Variants in PLEKHO1 observed in about 807,000 individuals in gnomAD.
The protein encoded by PLEKHO1 is pleckstrin homology domain-containing family O member 1.
Under a neutral mutation model 41.4 loss-of-function variants are expected in PLEKHO1, and 22 were observed. The observed-to-expected ratio is 0.53, with a 90% confidence interval of 0.38 to 0.76. The LOEUF (loss-of-function observed/expected upper bound fraction) is 0.76. PLEKHO1 is among the 30% of genes least tolerant of loss of function. The probability of loss-of-function intolerance (pLI) is 0.00; values close to 1 mark genes in which losing one functional copy is unlikely to be tolerated. For synonymous variants in PLEKHO1, 225 were observed against 210.8 expected (o/e 1.07, Z -0.58); for missense variants, 488 against 518.3 (o/e 0.94, Z 0.57).
In PLEKHO1 at chr1:150,158,842, G is replaced by A; in HGVS notation, c.549G>A (p.Gly183=). Residue 183 remains glycine (G), a synonymous_variant, in exon 6 of 6, where the codon GGG becomes GGA. Transcript: ENST00000369124. ...AGGCTTCCACCTCTACCTCGGATGG[G>A]ATGCTGACCTTGGACTTGATCCAAG... The part of the protein sequence containing the change: ...MAVASTSTSD[G]MLTLDLIQEE... 6.2e-7 allele frequency: 1 copy of A among 1,609,054 alleles called. No homozygotes were observed. Among genetic ancestry groups the A allele is most frequent in the South Asian group, 1.1e-5 (1 of 90,970 alleles).
At chr1:150,158,388 C>T (rs868917580) in intron 5 of PLEKHO1, among the ~76,000 whole-genome samples, 1 of 152,238 alleles carries the variant, frequency 6.6e-6, no homozygotes, top group Middle Eastern at 3.4e-3. Flanking sequence ...AGGGTTCAGT[C>T]AAGAGCAGAG....
At chr1:150,158,761 C>CGGAATGACT in intron 5 of PLEKHO1, 58 bp from the exon 6 acceptor site, 1 of 1,202,670 alleles carries the variant, frequency 8.3e-7, no homozygotes, top group Non-Finnish European at 1.2e-6. Flanking sequence ...TTTAGGCAGT[C>CGGAATGACT]ATTCCGAAAA....
Position 150,150,213 on chromosome 1 carries a change from G to A in PLEKHO1, c.-45G>A. On this transcript the variant is annotated 5_prime_UTR_variant, in exon 1 of 6. Transcript: ENST00000369124. Reference sequence around the variant, plus strand: ...CGCGGTGCCGCCGAGGCCCCGACGCGGGGCCGCCCCTCGGCTCGCCGCCCC... The same window carrying A: ...CGCGGTGCCGCCGAGGCCCCGACGCAGGGCCGCCCCTCGGCTCGCCGCCCC... 2.0e-6 allele frequency: 2 copies of A among 1,007,922 alleles called. No homozygotes were observed. Among genetic ancestry groups the A allele is most frequent in the African/African-American group, 1.7e-5 (1 of 57,326 alleles). The allele number at this position is 1,007,922 out of a possible 1,614,324, so 62.4% of individuals were successfully genotyped here. A position where few individuals can be genotyped will look rare whatever the true frequency, so the allele number is the denominator to read the frequency against.
In PLEKHO1 at chr1:150,150,272, C is replaced by G. The variant is rs1413764885; in HGVS notation, c.15C>G (p.Asn5Lys). Residue 5 changes from asparagine (N) to lysine (K), a missense_variant, in exon 1 of 6, where the codon AAC becomes AAG. Coordinates refer to ENST00000369124, the MANE Select transcript of PLEKHO1 (RefSeq NM_016274.6). MMKK[N>K]NSAKRGPQDG... is the part of the protein sequence containing the mutation. Reference sequence around the variant, plus strand: ...GCCCGCTGGGAATGATGAAGAAGAACAATTCCGCCAAGCGGGTGAGTGCGC... The same window carrying G: ...GCCCGCTGGGAATGATGAAGAAGAAGAATTCCGCCAAGCGGGTGAGTGCGC... 9 of 1,122,998 alleles carry G rather than the reference C, an allele frequency of 8.0e-6. No homozygotes were observed. The highest frequency in any genetic ancestry group is 3.3e-5 in the African/African-American group (2 of 60,460). The allele number at this position is 1,122,998 out of a possible 1,614,324, so 69.6% of individuals were successfully genotyped here. A position where few individuals can be genotyped will look rare whatever the true frequency, so the allele number is the denominator to read the frequency against.
At chr1:150,157,606 G>A (rs149152545) in intron 5 of PLEKHO1, 120 bp downstream of exon 5, 438 of 660,588 alleles carry the variant, frequency 6.6e-4, no homozygotes, top group African/African-American at 5.8e-3. Context: ...GATCAAAGGC[G>A]AGGGAAGTCC....
At chr1:150,154,604 A>G (rs1270638941) in intron 2 of PLEKHO1, 1 of 152,256 alleles carries the variant, frequency 6.6e-6, no homozygotes, top group Non-Finnish European at 1.5e-5. Context: ...TCCAGGAACC[A>G]GGAGGATAGA....
intron 2 of PLEKHO1, 28 bp from the exon 3 acceptor site, chr1:150,156,038 T>TCCTCA: frequency 5.6e-6 from 9 of 1,603,982 alleles, no homozygotes; most frequent in Non-Finnish European, 7.7e-6. Flanking sequence ...AATTTTATCC[T>TCCTCA]CCTCACCTCA....
In PLEKHO1 at chr1:150,159,299, G is replaced by A; in HGVS notation, c.1006G>A (p.Ala336Thr). ...VQGLGDGKRK[A>T]KDPPRSPPDS... ...GGGACTGGGAGATGGGAAGCGAAAG[G>A]CCAAGGACCCCCCTCGGTCTCCGCC... The change falls in exon 6 of 6, where the codon GCC becomes ACC. Residue 336 changes from alanine to threonine, a missense_variant. Ala to Thr is a moderately conservative substitution (Grantham distance 58, BLOSUM62 0). Transcript: ENST00000369124. 3.1e-6 allele frequency: 5 copies of A among 1,614,178 alleles called. No homozygotes were observed. The highest frequency in any genetic ancestry group is 4.2e-6 in the Non-Finnish European group (5 of 1,180,030).
At chr1:150,150,844 AGACG>A in intron 1 of PLEKHO1, 64 bp from the exon 2 acceptor site, 1 of 1,467,656 alleles carries the variant, frequency 6.8e-7, no homozygotes, top group Non-Finnish European at 9.5e-7. Flanking sequence ...CGGTCGTGAG[AGACG>A]GACGGAGAGG....
chr1:150,159,335 T>G lies in PLEKHO1; in HGVS notation c.1042T>G (p.Ser348Ala). The G allele has an allele frequency of 6.2e-7, 1 of 1,614,056 alleles. No homozygotes were observed. The highest frequency in any genetic ancestry group is 8.5e-7 in the Non-Finnish European group (1 of 1,179,996). The change falls in exon 6 of 6, where the codon TCA becomes GCA. Residue 348 changes from serine (S) to alanine (A), a missense_variant. Coordinates refer to ENST00000369124, the MANE Select transcript of PLEKHO1 (RefSeq NM_016274.6). ...DPPRSPPDSE[S>A]EQLLLETERL... ...CCCTCGGTCTCCGCCGGATTCTGAG[T>G]CAGAGCAGCTGCTGCTGGAGACGGA...
At chr1:150,152,843 A>G (rs1660008576) in intron 2 of PLEKHO1, 1 of 152,222 alleles carries the variant, frequency 6.6e-6, no homozygotes, top group Non-Finnish European at 1.5e-5. Context: ...GGAATAAGAC[A>G]TCCATTGCTT....
intron 1 of PLEKHO1, chr1:150,150,672 G>C (rs1553818600): frequency 6.1e-6 from 3 of 489,030 alleles, no homozygotes; most frequent in Non-Finnish European, 1.1e-5. Context: ...CTCCGCGCCC[G>C]GCCGGCGCCC....
At position 150,158,788 on chromosome 1, in the gene PLEKHO1, G is replaced by C. The variant is rs34773647; in HGVS notation, c.526-31G>C. On this transcript the variant is annotated intron_variant, in intron 5 of 5. Coordinates refer to ENST00000369124, the MANE Select transcript of PLEKHO1 (RefSeq NM_016274.6). Reference sequence around the variant, plus strand: ...TTCCGAAAATCCCTCCTGATGACAGGTTCCCCACTCATTCCCCCCTTCCTC... The same window carrying C: ...TTCCGAAAATCCCTCCTGATGACAGCTTCCCCACTCATTCCCCCCTTCCTC... 4 of 1,474,406 alleles carry C rather than the reference G, an allele frequency of 2.7e-6. 1 individual carries two copies. Among genetic ancestry groups the C allele is most frequent in the Non-Finnish European group, 3.7e-6 (4 of 1,068,594 alleles). 91.3% of individuals were successfully genotyped at this position (1,474,406 alleles called of 1,614,324 possible).
chr1:150,157,002 G>A lies in PLEKHO1; in HGVS notation c.410G>A (p.Arg137His), dbSNP rs146414526. Reference sequence around the variant, plus strand: ...TCTGCCATCACCCGAGCCAAGAACCGTATCTTGGATGAGGTCAGGGGGCTC... The same window carrying A: ...TCTGCCATCACCCGAGCCAAGAACCATATCTTGGATGAGGTCAGGGGGCTC... ...LNSAITRAKN[R>H]ILDEVTVEED... The change falls in exon 4 of 6, where the codon CGT becomes CAT. Residue 137 changes from arginine to histidine, a missense_variant. Arg to His is a conservative substitution (Grantham distance 29). Around this residue, in one of 3 missense-constraint regions of PLEKHO1, gnomAD observed 59 missense variants for 111.5 expected, o/e 0.53. Transcript: ENST00000369124. 3.3e-5 allele frequency: 53 copies of A among 1,607,662 alleles called. No individual in the cohort carries two copies. Among genetic ancestry groups the A allele is most frequent in the African/African-American group, 6.7e-5 (5 of 74,748 alleles).
chr1:150,154,814 G>A (rs587606502), intron 2 of PLEKHO1: 5 of 152,312 alleles, frequency 3.3e-5, no homozygotes, highest in Non-Finnish European at 7.3e-5. Context: ...GGTTTTTCCT[G>A]AGGTGTTCCA....
intron 2 of PLEKHO1, chr1:150,152,699 A>AAAC (rs1413375247): frequency 7.0e-6 from 1 of 141,928 alleles, no homozygotes; most frequent in Non-Finnish European, 1.5e-5. Flanking sequence ...AAAAAAAAAA[A>AAAC]AAAAAAAAAA....
In PLEKHO1 at chr1:150,150,953, G is replaced by C. The variant is rs782500984; in HGVS notation, c.72G>C (p.Lys24Asn). The C allele has an allele frequency of 8.7e-6, 14 of 1,614,020 alleles. No individual in the cohort carries two copies. The highest frequency in any genetic ancestry group is 1.3e-5 in the African/African-American group (1 of 74,946). Residue 24 changes from lysine to asparagine, a missense_variant, in exon 2 of 6, where the codon AAG (lysine) becomes AAC (asparagine). Lys to Asn is a moderately conservative substitution (Grantham distance 94). This residue lies in a region of PLEKHO1 where 92 missense variants were observed against 82.3 expected (regional missense o/e 1.12). Transcript: ENST00000369124. ...ACCAGCAGCCTGCACCGCCCGAGAA[G>C]GTCGGCTGGGTCCGGAAATTCTGCG... is the stretch of plus-strand genomic sequence containing the variant. ...DGNQQPAPPE[K>N]VGWVRKFCGK...
At chr1:150,153,300 A>C (rs1660030897) in intron 2 of PLEKHO1, among the ~76,000 whole-genome samples, 1 of 151,894 alleles carries the variant, frequency 6.6e-6, no homozygotes, top group South Asian at 2.1e-4. Flanking sequence ...CAATCCTCCC[A>C]CCTCAGCCTC....
chr1:150,149,649 C>G (rs1390572078), upstream of PLEKHO1: 2 of 152,658 alleles, frequency 1.3e-5, no homozygotes, highest in Admixed American at 6.5e-5. Context: ...ATCCACCGCG[C>G]CCGCCCACTG....
Sources: gnomAD v4.1 joint callset for allele counts (sites outside exome capture counted in the v4.1 genomes callset) on GRCh38, gnomAD v4.1.1 for gene constraint, gnomAD v4.1.1 regional missense constraint, MANE v1.5 for transcripts, NCBI Gene and HGNC (gene_info 2026-07-23, HGNC 2026-07-21) for gene names.